The following CHCHD3 variants were observed in gnomAD, a reference collection of about 807,000 sequenced individuals.
CHCHD3 encodes the protein MICOS complex subunit MIC19.
CHCHD3 carries 20 observed loss-of-function variants against 38.2 expected under a neutral mutation model. The observed-to-expected ratio is 0.52, with a 90% CI of 0.37 to 0.76. CHCHD3 has a LOEUF of 0.76. CHCHD3 is among the 30% of genes least tolerant of loss of function. The pLI is 0.00. For synonymous variants in CHCHD3, 82 were observed against 100.0 expected (o/e 0.82, Z 1.07); for missense variants, 245 against 279.2 (o/e 0.88, Z 0.87).
chr7:133,066,929 C>T (rs964212220), intron 2 of CHCHD3, among the ~76,000 whole-genome samples: 5 of 152,212 alleles, frequency 3.3e-5, no homozygotes, highest in Admixed American at 1.3e-4. Flanking sequence ...GTTTCTATCA[C>T]GTCCTTTCTA....
chr7:132,810,115 AT>A lies in CHCHD3; in HGVS notation c.525-13539del, dbSNP rs377180642. On this transcript the variant is annotated intron_variant, in intron 6 of 7. Transcript: ENST00000262570. ...TAATTCGTAATATCTCATCTCTAGC[AT>A]TAAACACAACTAATCACACATGATA... is the stretch of plus-strand genomic sequence containing the variant. Among the ~76,000 whole-genome samples, 328 of 152,354 alleles carry A rather than the reference AT, an allele frequency of 2.2e-3. 1 individual carries two copies. The highest frequency in any genetic ancestry group is 7.3e-3 in the African/African-American group (304 of 41,572).
At chr7:133,081,311 G>A (rs1424484039) in intron 1 of CHCHD3, among the ~76,000 whole-genome samples, 1 of 151,770 alleles carries the variant, frequency 6.6e-6, no homozygotes, top group East Asian at 1.9e-4. Flanking sequence ...GGAGAAGCCA[G>A]AAGCCGCCCC....
chr7:133,025,794 A>G (rs1005924358), intron 2 of CHCHD3, among the ~76,000 whole-genome samples: 9 of 152,182 alleles, frequency 5.9e-5, no homozygotes, highest in East Asian at 1.9e-4. Context: ...GTAAGCCACC[A>G]CGCCTGGCCA....
intron 2 of CHCHD3, chr7:133,034,869 T>C (rs1300555433): frequency 2.5e-6 from 4 of 1,610,242 alleles, no homozygotes; most frequent in Non-Finnish European, 3.4e-6. Flanking sequence ...CTTCCTCAGC[T>C]TGTCCAGTCG....
At chr7:132,866,751 G>C (rs1808635691) in intron 5 of CHCHD3, among the ~76,000 whole-genome samples, 1 of 152,158 alleles carries the variant, frequency 6.6e-6, no homozygotes, top group South Asian at 2.1e-4. Context: ...ACCAAAATAA[G>C]CACTGTCTGC....
At chr7:132,897,807 A>T (rs1326064259) in intron 4 of CHCHD3, among the ~76,000 whole-genome samples, 3 of 152,250 alleles carry the variant, frequency 2.0e-5, no homozygotes, top group African/African-American at 7.2e-5. Context: ...GTCTTCTGGA[A>T]TGCAGATGCT....
chr7:132,978,152 T>A (rs1029793684), intron 3 of CHCHD3, among the ~76,000 whole-genome samples: 5 of 152,128 alleles, frequency 3.3e-5, no homozygotes, highest in Admixed American at 2.0e-4. Context: ...ATACACTCAA[T>A]AAATGTTAGG....
chr7:133,027,363 A>AGAGAGAGAGAG lies in CHCHD3; in HGVS notation c.170-2737_170-2736insCTCTCTCTCTC, dbSNP rs1554402334. ...TGCTAAATGTACCTTAATAAGTTGTAAGAGAGAGAGAGAGAGAGAGAGAAA... is the reference window on the plus strand; with the variant it reads ...TGCTAAATGTACCTTAATAAGTTGTAGAGAGAGAGAGAGAGAGAGAGAGAGAGAGAGAGAAA... On this transcript the variant is annotated intron_variant, in intron 2 of 7. Transcript: ENST00000262570. Among the ~76,000 whole-genome samples, 401 of 133,874 alleles carry AGAGAGAGAGAG rather than the reference A, an allele frequency of 3.0e-3. 1 individual carries two copies. The highest frequency in any genetic ancestry group is 4.0e-3 in the Non-Finnish European group (254 of 63,142). 87.8% of individuals were successfully genotyped at this position (133,874 alleles called of 152,430 possible). A position where few individuals can be genotyped will look rare whatever the true frequency, so the allele number is the denominator to read the frequency against.
At chr7:132,934,545 A>T (rs1296260860) in intron 4 of CHCHD3, among the ~76,000 whole-genome samples, 1 of 152,160 alleles carries the variant, frequency 6.6e-6, no homozygotes, top group Non-Finnish European at 1.5e-5. Context: ...TTCGTATTTA[A>T]TGACCGTCTT....
intron 5 of CHCHD3, among the ~76,000 whole-genome samples, chr7:132,861,614 A>G (rs1343655606): frequency 6.6e-6 from 1 of 152,230 alleles, no homozygotes; most frequent in Non-Finnish European, 1.5e-5. Context: ...AACTTTTGCC[A>G]TAAAAGGCCA....
At position 132,839,025 on chromosome 7, in the gene CHCHD3, T is replaced by C. The variant is rs184144549; in HGVS notation, c.454-556A>G. Among the ~76,000 whole-genome samples, 3 of 151,966 alleles carry C rather than the reference T, an allele frequency of 2.0e-5. No homozygotes were observed. The East Asian group carries it at 5.8e-4, about 29-fold the overall frequency. On this transcript the variant is annotated intron_variant, in intron 5 of 7. Coordinates refer to ENST00000262570, the MANE Select transcript of CHCHD3 (RefSeq NM_017812.4). ...GACCAATATGGAGAAACCACGTCTC[T>C]ACTTTAAAAAAAAAAAATTAGCTGG...
At chr7:132,798,489 T>C (rs1460943729) in intron 6 of CHCHD3, among the ~76,000 whole-genome samples, 1 of 152,180 alleles carries the variant, frequency 6.6e-6, no homozygotes, top group African/African-American at 2.4e-5. Flanking sequence ...GACCTGCATC[T>C]AGATAAATAT....
intron 2 of CHCHD3, among the ~76,000 whole-genome samples, chr7:133,026,977 G>T (rs1165688255): frequency 6.7e-6 from 1 of 149,564 alleles, no homozygotes; most frequent in Non-Finnish European, 1.5e-5. Flanking sequence ...TTGCTCTGTT[G>T]CCCAGGTTGG....
chr7:133,081,559 G>A (rs1427299769), intron 1 of CHCHD3, among the ~76,000 whole-genome samples: 1 of 152,168 alleles, frequency 6.6e-6, no homozygotes, highest in African/African-American at 2.4e-5. Context: ...TTCAAATACG[G>A]TCCTGCAACA....
chr7:132,840,567 G>A (rs945898965), intron 5 of CHCHD3, among the ~76,000 whole-genome samples: 1 of 152,100 alleles, frequency 6.6e-6, no homozygotes, highest in Non-Finnish European at 1.5e-5. Flanking sequence ...CTAACCCATC[G>A]AGTATGGATG....
At chr7:132,834,870 T>A (rs1807737360) in intron 6 of CHCHD3, among the ~76,000 whole-genome samples, 1 of 152,084 alleles carries the variant, frequency 6.6e-6, no homozygotes, top group South Asian at 2.1e-4. Context: ...CATGATAAAC[T>A]CACCTCCCCA....
intron 4 of CHCHD3, among the ~76,000 whole-genome samples, chr7:132,931,913 C>A (rs576162401): frequency 6.6e-6 from 1 of 152,222 alleles, no homozygotes; most frequent in Non-Finnish European, 1.5e-5. Flanking sequence ...AAATATAATG[C>A]AGCTTTACAC....
At chr7:132,883,867 C>T (rs2117172431) in intron 5 of CHCHD3, among the ~76,000 whole-genome samples, 1 of 152,262 alleles carries the variant, frequency 6.6e-6, no homozygotes, top group Non-Finnish European at 1.5e-5. Flanking sequence ...CTCCTGATTT[C>T]CTCCACCACC....
intron 4 of CHCHD3, among the ~76,000 whole-genome samples, chr7:132,970,644 T>G (rs1171836262): frequency 6.6e-6 from 1 of 152,172 alleles, no homozygotes; most frequent in African/African-American, 2.4e-5. Flanking sequence ...CATTAGTACC[T>G]AACATAGTAA....
Sources: gnomAD v4.1 joint callset for allele counts (sites outside exome capture counted in the v4.1 genomes callset) on GRCh38, gnomAD v4.1.1 for gene constraint, MANE v1.5 for transcripts, NCBI Gene and HGNC (gene_info 2026-07-23, HGNC 2026-07-21) for gene names.